Variants in SPATA6L observed in about 807,000 individuals in gnomAD.
SPATA6L encodes the protein spermatogenesis associated 6-like protein.
A neutral mutation model predicts 49.2 loss-of-function variants in SPATA6L; 68 were observed. That is an observed-to-expected ratio of 1.38 (90% CI 1.14 to 1.69). The LOEUF (loss-of-function observed/expected upper bound fraction) is 1.69, where lower values mean the gene tolerates loss of function less well. SPATA6L is among the 40% of genes most tolerant of loss of function. The pLI, the probability that SPATA6L is intolerant of heterozygous loss-of-function variation, is 0.00. For synonymous variants in SPATA6L, 198 were observed against 165.7 expected, an observed-to-expected ratio of 1.19 and a Z score of -1.50; for missense variants, 668 against 464.3, an observed-to-expected ratio of 1.44 and a Z score of -4.03.
chr9:4,617,954 C>T lies in SPATA6L; in HGVS notation c.964G>A (p.Gly322Ser). The T allele has an allele frequency of 6.2e-7, 1 of 1,613,744 alleles. No homozygotes were observed. Among genetic ancestry groups the T allele is most frequent in the Non-Finnish European group, 8.5e-7 (1 of 1,179,862 alleles). The change falls in exon 9 of 12, where the codon GGC becomes AGC. Residue 322 changes from glycine (G) to serine (S), a missense_variant. Transcript: ENST00000682582. ...CTGAGAAGGGGCTGATCCAAGGGGC[C>T]AGGAGAGGTGGAATGCTGGTAGGTG... ...FATYQHSTSP[G>S]PLDQPLLRER...
chr9:4,655,983 T>C (rs1234260348), intron 3 of SPATA6L, 58 bp downstream of exon 3: 1 of 1,317,200 alleles, frequency 7.6e-7, no homozygotes, highest in Admixed American at 1.9e-5. Context: ...GAGTTTTGAA[T>C]CTGTGAATTA....
At chr9:4,648,229 G>A (rs1021928264) in intron 3 of SPATA6L, among the ~76,000 whole-genome samples, 1 of 152,106 alleles carries the variant, frequency 6.6e-6, no homozygotes, top group Non-Finnish European at 1.5e-5. Flanking sequence ...TTAATGCCAA[G>A]AAACTTAAAA....
chr9:4,650,726 C>T (rs1836626247), intron 3 of SPATA6L, among the ~76,000 whole-genome samples: 1 of 152,124 alleles, frequency 6.6e-6, no homozygotes, highest in African/African-American at 2.4e-5. Context: ...GTGGCACAAT[C>T]TCAGTTCACT....
chr9:4,658,351 A>G (rs1204504529), intron 2 of SPATA6L, among the ~76,000 whole-genome samples: 1 of 152,226 alleles, frequency 6.6e-6, no homozygotes, highest in Admixed American at 6.5e-5. Context: ...TTTGAATTAC[A>G]CAGAAGATCC....
chr9:4,652,152 G>A (rs1837037937), intron 3 of SPATA6L, among the ~76,000 whole-genome samples: 1 of 152,198 alleles, frequency 6.6e-6, no homozygotes, highest in African/African-American at 2.4e-5. Flanking sequence ...CAGGCGCGGT[G>A]GCTAACGCCT....
chr9:4,621,485 G>C (rs985478707), intron 7 of SPATA6L, among the ~76,000 whole-genome samples: 1 of 149,170 alleles, frequency 6.7e-6, no homozygotes, highest in Non-Finnish European at 1.5e-5. Context: ...TGGAATGTGT[G>C]CTATTCTTTT....
At chr9:4,653,541 A>C (rs1229722123) in intron 3 of SPATA6L, among the ~76,000 whole-genome samples, 2 of 152,270 alleles carry the variant, frequency 1.3e-5, no homozygotes, top group African/African-American at 2.4e-5. Flanking sequence ...GCATTTCAAA[A>C]AAATACCATC....
At chr9:4,621,025 G>A (rs1241750931) in intron 7 of SPATA6L, among the ~76,000 whole-genome samples, 4 of 152,202 alleles carry the variant, frequency 2.6e-5, no homozygotes, top group African/African-American at 9.6e-5. Context: ...ACTGGCTTAA[G>A]TTTCCATAAG....
intron 3 of SPATA6L, among the ~76,000 whole-genome samples, chr9:4,642,423 C>T (rs1473672917): frequency 1.3e-5 from 2 of 152,142 alleles, no homozygotes; most frequent in African/African-American, 4.8e-5. Context: ...TGCTCAGTTC[C>T]GTCTACCTAT....
intron 3 of SPATA6L, among the ~76,000 whole-genome samples, chr9:4,647,861 G>A (rs1835776111): frequency 6.6e-6 from 1 of 150,422 alleles, no homozygotes; most frequent in Non-Finnish European, 1.5e-5. Flanking sequence ...TTGAACCAGG[G>A]CCTCACTCTG....
At chr9:4,628,982 A>G in intron 5 of SPATA6L, 109 bp downstream of exon 5, 1 of 711,554 alleles carries the variant, frequency 1.4e-6, no homozygotes, top group East Asian at 2.8e-5. Context: ...CCAGGTTTCT[A>G]CTTGTTTAGT....
At chr9:4,660,597 T>C (rs1839402330) in intron 2 of SPATA6L, among the ~76,000 whole-genome samples, 1 of 152,214 alleles carries the variant, frequency 6.6e-6, no homozygotes, top group African/African-American at 2.4e-5. Flanking sequence ...AGTAAACTAG[T>C]TCAACCCATG....
chr9:4,614,247 T>C (rs943166260), intron 9 of SPATA6L, among the ~76,000 whole-genome samples: 2 of 152,224 alleles, frequency 1.3e-5, no homozygotes, highest in African/African-American at 4.8e-5. Flanking sequence ...CCTCCTTTAG[T>C]ACTCCCATTG....
chr9:4,606,292 C>G (rs892748323), intron 9 of SPATA6L, among the ~76,000 whole-genome samples: 5 of 143,820 alleles, frequency 3.5e-5, no homozygotes, highest in Non-Finnish European at 6.0e-5. Context: ...GGGTGGAGCC[C>G]ACCACAGCTC....
chr9:4,600,997 T>C (rs1823098745), intron 11 of SPATA6L, among the ~76,000 whole-genome samples, 188 bp from the exon 12 acceptor site: 1 of 152,230 alleles, frequency 6.6e-6, no homozygotes, highest in Non-Finnish European at 1.5e-5. Context: ...AGCATCTGTG[T>C]GACCTTGGAC....
At chr9:4,665,578 G>A (rs917220172) in intron 1 of SPATA6L, among the ~76,000 whole-genome samples, 1 of 152,180 alleles carries the variant, frequency 6.6e-6, no homozygotes, top group Non-Finnish European at 1.5e-5. Flanking sequence ...GAGGAAAAGC[G>A]GCATGATATT....
downstream of SPATA6L, among the ~76,000 whole-genome samples, chr9:4,596,183 A>G (rs551227636): frequency 8.5e-5 from 13 of 152,280 alleles, no homozygotes; most frequent in Admixed American, 6.5e-4. Context: ...GCACGGGTTG[A>G]ATTTTACACC....
At chr9:4,602,143 T>TGG (rs1260898974) in intron 11 of SPATA6L, among the ~76,000 whole-genome samples, 26 of 152,178 alleles carry the variant, frequency 1.7e-4, no homozygotes, top group Non-Finnish European at 2.4e-4. Context: ...ATTGACGTTT[T>TGG]TTTTTTTTCT....
chr9:4,626,590 T>C, intron 5 of SPATA6L: 1 of 1,279,466 alleles, frequency 7.8e-7, no homozygotes, highest in Non-Finnish European at 1.0e-6. Context: ...AGTTACTCTG[T>C]CATTTCAGTG....
Sources: gnomAD v4.1 joint callset for allele counts (sites outside exome capture counted in the v4.1 genomes callset) on GRCh38, gnomAD v4.1.1 for gene constraint, MANE v1.5 for transcripts, NCBI Gene and HGNC (gene_info 2026-07-23, HGNC 2026-07-21) for gene names.